The following GRIK1 variants were observed in gnomAD, a reference collection of about 807,000 sequenced individuals.
GRIK1 encodes the protein glutamate receptor ionotropic, kainate 1.
GRIK1 carries 69 observed loss-of-function variants against 105.7 expected under a neutral mutation model. The observed-to-expected ratio is 0.65, with a 90% CI of 0.54 to 0.80. The LOEUF (loss-of-function observed/expected upper bound fraction) is 0.80, where lower values mean the gene tolerates loss of function less well. Among genes scored for constraint, GRIK1 ranks in the 30% least tolerant of loss-of-function variants. GRIK1 has a pLI of 0.00. For synonymous variants in GRIK1, 438 were observed against 431.3 expected (o/e 1.02, Z -0.19); for missense variants, 1,109 against 1,167.3 (o/e 0.95, Z 0.73).
intron 1 of GRIK1, among the ~76,000 whole-genome samples, chr21:29,913,162 T>C (rs1164883415): frequency 2.0e-5 from 3 of 152,052 alleles, no homozygotes; most frequent in South Asian, 2.1e-4. Context: ...GGCAAGAACA[T>C]GGACTTGAGA....
At chr21:29,822,501 C>T (rs1406076950) in intron 1 of GRIK1, among the ~76,000 whole-genome samples, 1 of 151,958 alleles carries the variant, frequency 6.6e-6, no homozygotes, top group East Asian at 1.9e-4. Flanking sequence ...GGACTTATGA[C>T]TGCTCAGAAT....
chr21:29,786,536 A>G (rs2066266177), intron 1 of GRIK1, among the ~76,000 whole-genome samples: 1 of 152,204 alleles, frequency 6.6e-6, no homozygotes, highest in Non-Finnish European at 1.5e-5. Flanking sequence ...AACTTCATGT[A>G]AATGAAATCA....
intron 14 of GRIK1, among the ~76,000 whole-genome samples, chr21:29,575,238 T>A (rs566292358): frequency 6.6e-6 from 1 of 152,158 alleles, no homozygotes; most frequent in Non-Finnish European, 1.5e-5. Flanking sequence ...TTTCCTAACC[T>A]TAGTTTTTGT....
In GRIK1 at chr21:29,693,942, G is replaced by A; in HGVS notation, c.240C>T (p.Asp80=). 6.2e-7 allele frequency: 1 copy of A among 1,613,184 alleles called. No individual in the cohort carries two copies. ...TLMPNTTLTY[D]IQRINLFDSF... is the part of the protein sequence containing the mutation. ...TATCAAAAAGGTTAATTCTCTGGATGTCATAGGTTAATGTGGTGTTAGGCA... is the reference window on the plus strand; with the variant it reads ...TATCAAAAAGGTTAATTCTCTGGATATCATAGGTTAATGTGGTGTTAGGCA... The change falls in exon 2 of 18, where the codon GAC becomes GAT. Residue 80 remains aspartate, a synonymous_variant. Transcript: ENST00000327783.
intron 4 of GRIK1, among the ~76,000 whole-genome samples, chr21:29,657,056 TATATC>T: frequency 6.6e-6 from 1 of 152,192 alleles, no homozygotes; most frequent in East Asian, 1.9e-4. Flanking sequence ...GCTGTTCTCT[TATATC>T]ATTCGAGCAT....
chr21:29,889,501 T>G (rs185005697), intron 1 of GRIK1, among the ~76,000 whole-genome samples: 20 of 152,146 alleles, frequency 1.3e-4, no homozygotes, highest in African/African-American at 4.8e-4. Context: ...TCTCCTTCTT[T>G]TTTTTTTCTC....
At chr21:29,686,661 T>C (rs1490151707) in intron 3 of GRIK1, among the ~76,000 whole-genome samples, 1 of 152,260 alleles carries the variant, frequency 6.6e-6, no homozygotes, top group African/African-American at 2.4e-5. Context: ...GCTTGCTTGC[T>C]ACTTTGTCAG....
In GRIK1 at chr21:29,579,997, G is replaced by T. The variant is rs955340608; in HGVS notation, c.1912+1428C>A. On this transcript the variant is annotated intron_variant, in intron 13 of 17. Transcript: ENST00000327783. ...TATATATATATGTGTGTATATATAT[G>T]TATATATATGTATATATATGTGTAT... 2.1e-5 allele frequency among the ~76,000 whole-genome samples: 3 copies of T among 143,592 alleles called. No individual in the cohort carries two copies. In the East Asian group the frequency reaches 6.0e-4, roughly 29 times the overall value. 94.2% of individuals were successfully genotyped at this position (143,592 alleles called of 152,430 possible). A position where few individuals can be genotyped will look rare whatever the true frequency, so the allele number is the denominator to read the frequency against.
chr21:29,890,609 T>G (rs2832475), intron 1 of GRIK1, among the ~76,000 whole-genome samples: 11,973 of 152,156 alleles, frequency 0.079, 1,250 homozygotes, highest in African/African-American at 0.24. Flanking sequence ...ACTAGTATAA[T>G]TAAAGAACAC....
intron 5 of GRIK1, among the ~76,000 whole-genome samples, 161 bp from the exon 6 acceptor site, chr21:29,651,452 A>G (rs1219109176): frequency 6.6e-6 from 1 of 152,210 alleles, no homozygotes; most frequent in African/African-American, 2.4e-5. Flanking sequence ...CACAGTTGGA[A>G]CATGTTAAAT....
intron 1 of GRIK1, among the ~76,000 whole-genome samples, chr21:29,868,289 C>G (rs924849640): frequency 4.6e-5 from 7 of 152,124 alleles, no homozygotes; most frequent in Non-Finnish European, 7.4e-5. Context: ...ATACCAGGCT[C>G]TCTTGTCTGA....
intron 1 of GRIK1, among the ~76,000 whole-genome samples, chr21:29,921,732 A>G (rs557209667): frequency 1.3e-5 from 2 of 152,188 alleles, no homozygotes; most frequent in Non-Finnish European, 2.9e-5. Context: ...GTTTCTCTGC[A>G]CATAAGCTCA....
intron 1 of GRIK1, among the ~76,000 whole-genome samples, chr21:29,815,006 GT>G (rs1569123500): frequency 6.6e-6 from 1 of 152,066 alleles, no homozygotes; most frequent in African/African-American, 2.4e-5. Context: ...TTATAAGCTT[GT>G]TTTGAGTATT....
At chr21:29,707,542 C>G (rs893126783) in intron 1 of GRIK1, among the ~76,000 whole-genome samples, 34 of 147,546 alleles carry the variant, frequency 2.3e-4, no homozygotes, top group African/African-American at 6.5e-4. Context: ...ATTGCAAAGG[C>G]TGGAGTGCAA....
chr21:29,591,757 A>C, intron 9 of GRIK1, among the ~76,000 whole-genome samples: 1 of 152,182 alleles, frequency 6.6e-6, no homozygotes, highest in South Asian at 2.1e-4. Flanking sequence ...AGCATCTAAA[A>C]GGGAAAGATA....
chr21:29,688,636 T>A (rs2063529213), intron 3 of GRIK1, among the ~76,000 whole-genome samples: 1 of 152,166 alleles, frequency 6.6e-6, no homozygotes, highest in Non-Finnish European at 1.5e-5. Context: ...TAAGATAAAA[T>A]TAGGATGCTT....
At chr21:29,761,127 C>A (rs565255407) in intron 1 of GRIK1, 11 of 152,270 alleles carry the variant, frequency 7.2e-5, no homozygotes, top group Admixed American at 2.0e-4. Flanking sequence ...CCCAAGTTGT[C>A]AGAAACTCCT....
intron 1 of GRIK1, among the ~76,000 whole-genome samples, chr21:29,899,034 T>C (rs1340833734): frequency 6.6e-6 from 1 of 152,202 alleles, no homozygotes; most frequent in East Asian, 1.9e-4. Flanking sequence ...CATATTCTTA[T>C]TGTAATACAA....
chr21:29,592,952 AAGAC>A (rs1482520437), intron 9 of GRIK1, among the ~76,000 whole-genome samples: 1 of 152,176 alleles, frequency 6.6e-6, no homozygotes. Context: ...CTCTAATGGG[AAGAC>A]AGACAGGAGT....
Sources: gnomAD v4.1 joint callset for allele counts (sites outside exome capture counted in the v4.1 genomes callset) on GRCh38, gnomAD v4.1.1 for gene constraint, MANE v1.5 for transcripts, NCBI Gene and HGNC (gene_info 2026-07-23, HGNC 2026-07-21) for gene names.